Variants in FNDC3A observed in about 807,000 individuals in gnomAD.
FNDC3A encodes fibronectin type-III domain-containing protein 3A.
In FNDC3A, 32 loss-of-function variants were observed where a neutral mutation model predicts 148.9. The ratio of observed to expected loss-of-function variants is 0.21; its 90% CI spans 0.16 to 0.29. The LOEUF (loss-of-function observed/expected upper bound fraction) is 0.29. FNDC3A is among the 10% of genes least tolerant of loss of function. The pLI is 1.00. For synonymous variants in FNDC3A, 472 were observed against 473.6 expected (o/e 1.00, Z 0.04); for missense variants, 1,191 against 1,452.8 (o/e 0.82, Z 2.93).
chr13:48,978,403 C>G (rs1415870095), intron 1 of FNDC3A, among the ~76,000 whole-genome samples: 1 of 152,060 alleles, frequency 6.6e-6, no homozygotes, highest in Non-Finnish European at 1.5e-5. Context: ...GTAATATTTG[C>G]GCTGTTTTAA....
chr13:49,001,523 C>G (rs562168354), intron 1 of FNDC3A, among the ~76,000 whole-genome samples: 1 of 152,302 alleles, frequency 6.6e-6, no homozygotes, highest in South Asian at 2.1e-4. Flanking sequence ...TATTTCTCTT[C>G]TTTCAAAAGC....
At chr13:49,145,576 T>C (rs565510784) in intron 7 of FNDC3A, among the ~76,000 whole-genome samples, 2 of 152,170 alleles carry the variant, frequency 1.3e-5, no homozygotes, top group Non-Finnish European at 2.9e-5. Flanking sequence ...ATGGCCTGGT[T>C]TTTAAACTTT....
chr13:49,202,616 C>T (rs1226324493), intron 24 of FNDC3A, among the ~76,000 whole-genome samples: 1 of 152,168 alleles, frequency 6.6e-6, no homozygotes, highest in African/African-American at 2.4e-5. Context: ...AACAGCAGAA[C>T]TCTTCTTGAC....
chr13:49,192,846 TA>T (rs1885955342), intron 19 of FNDC3A, among the ~76,000 whole-genome samples: 2 of 152,354 alleles, frequency 1.3e-5, no homozygotes, highest in South Asian at 4.1e-4. Context: ...GATTTTAAGA[TA>T]AAATTTATGC....
chr13:49,138,657 C>T, intron 6 of FNDC3A, 90 bp from the exon 7 acceptor site: 1 of 606,050 alleles, frequency 1.7e-6, no homozygotes, highest in East Asian at 3.0e-5. Context: ...TCTCAAATAC[C>T]AACCTAGTTT....
chr13:49,147,985 G>C (rs1465934250), intron 8 of FNDC3A, among the ~76,000 whole-genome samples: 1 of 152,110 alleles, frequency 6.6e-6, no homozygotes, highest in Non-Finnish European at 1.5e-5. Flanking sequence ...TAATGATGTA[G>C]AGTATTTTTT....
chr13:49,095,129 T>G (rs963435932), intron 3 of FNDC3A, among the ~76,000 whole-genome samples: 10 of 152,130 alleles, frequency 6.6e-5, no homozygotes, highest in Admixed American at 3.9e-4. Flanking sequence ...CCAACTTTAT[T>G]TAAAAATGTA....
chr13:49,147,694 G>A (rs1224111935), intron 8 of FNDC3A, among the ~76,000 whole-genome samples: 3 of 152,074 alleles, frequency 2.0e-5, no homozygotes, highest in Admixed American at 6.5e-5. Flanking sequence ...AGTAAATGTG[G>A]GAAAAGCACA....
intron 5 of FNDC3A, 91 bp downstream of exon 5, chr13:49,131,465 C>A: frequency 2.1e-6 from 2 of 957,998 alleles, no homozygotes; most frequent in Admixed American, 1.8e-5. Context: ...ATTAAAAAAA[C>A]AGCAAATGGT....
intron 3 of FNDC3A, among the ~76,000 whole-genome samples, chr13:49,091,872 C>T (rs1427897982): frequency 6.6e-6 from 1 of 152,224 alleles, no homozygotes; most frequent in Non-Finnish European, 1.5e-5. Flanking sequence ...GCATAAACCA[C>T]TTTATGGCTA....
chr13:49,003,426 A>G (rs978094848), intron 1 of FNDC3A, among the ~76,000 whole-genome samples: 1 of 152,082 alleles, frequency 6.6e-6, no homozygotes, highest in Non-Finnish European at 1.5e-5. Flanking sequence ...CTTTTTTTAA[A>G]AATCAATTTG....
intron 6 of FNDC3A, 76 bp from the exon 7 acceptor site, chr13:49,138,671 A>C (rs1882517501): frequency 1.5e-6 from 1 of 666,002 alleles, no homozygotes; most frequent in Non-Finnish European, 2.5e-6. Context: ...CTAGTTTCAG[A>C]ATACATATTT....
At chr13:49,163,445 C>T (rs1479700493) in intron 8 of FNDC3A, among the ~76,000 whole-genome samples, 1 of 152,216 alleles carries the variant, frequency 6.6e-6, no homozygotes, top group African/African-American at 2.4e-5. Flanking sequence ...ATGCCAGGCC[C>T]TGGATATAAT....
chr13:49,067,709 G>T (rs1877358811), intron 2 of FNDC3A, among the ~76,000 whole-genome samples: 1 of 151,858 alleles, frequency 6.6e-6, no homozygotes, highest in African/African-American at 2.4e-5. Context: ...ATCTACTTTG[G>T]GTCTTGGACC....
intron 2 of FNDC3A, among the ~76,000 whole-genome samples, chr13:49,013,626 A>T (rs575440671): frequency 6.6e-6 from 1 of 150,490 alleles, no homozygotes; most frequent in Admixed American, 6.6e-5. Context: ...GTACACGTGT[A>T]TACATGTATA....
intron 2 of FNDC3A, chr13:49,045,797 T>C (rs1875351152): frequency 6.6e-6 from 3 of 455,664 alleles, no homozygotes; most frequent in South Asian, 3.0e-5. Flanking sequence ...GTCCTTTTTT[T>C]TTTTTTTTTT....
At chr13:49,126,751 T>C (rs1053197302) in intron 4 of FNDC3A, among the ~76,000 whole-genome samples, 10 of 152,122 alleles carry the variant, frequency 6.6e-5, no homozygotes, top group Non-Finnish European at 1.0e-4. Flanking sequence ...ATCTGAAAAA[T>C]TGAAATAATA....
At chr13:49,083,743 G>A (rs1380904751) in intron 3 of FNDC3A, among the ~76,000 whole-genome samples, 3 of 152,180 alleles carry the variant, frequency 2.0e-5, no homozygotes, top group African/African-American at 4.8e-5. Flanking sequence ...ATTTTGACAC[G>A]GGGAAGAACA....
In FNDC3A at chr13:49,091,481, C is replaced by T. The variant is rs542989099; in HGVS notation, c.175+16117C>T. ...TACAGCCCATGAATCTGTATGTAATCACACATCTGGCCATTTCTACTTCCA... is the reference window on the plus strand; with the variant it reads ...TACAGCCCATGAATCTGTATGTAATTACACATCTGGCCATTTCTACTTCCA... On this transcript the variant is annotated intron_variant, in intron 3 of 25. Coordinates refer to ENST00000492622, the MANE Select transcript of FNDC3A (RefSeq NM_001079673.2). Among the ~76,000 whole-genome samples the T allele has an allele frequency of 7.2e-5, 11 of 152,326 alleles. No homozygotes were observed. In the South Asian group the frequency reaches 2.3e-3, roughly 32 times the overall value.
Sources: allele counts gnomAD v4.1 joint callset (sites outside exome capture counted in the v4.1 genomes callset), GRCh38; gene constraint gnomAD v4.1.1; transcripts MANE v1.5; gene names NCBI Gene and HGNC (gene_info 2026-07-23, HGNC 2026-07-21).